The following HDAC9 variants were observed in gnomAD, a reference collection of about 807,000 sequenced individuals.
HDAC9 encodes the protein histone deacetylase 9.
Under a neutral mutation model 139.4 loss-of-function variants are expected in HDAC9, and 41 were observed. That is an observed-to-expected ratio of 0.29 (90% confidence interval 0.23 to 0.38). HDAC9 has a LOEUF of 0.38. Among genes scored for constraint, HDAC9 ranks in the 10% least tolerant of loss-of-function variants. The pLI is 1.00. For missense variants in HDAC9, 1,147 were observed against 1,297.0 expected (o/e 0.88, Z 1.78); for synonymous variants, 517 against 476.2 (o/e 1.09, Z -1.12).
chr7:18,235,741 G>C (rs1793770454), intron 2 of HDAC9, among the ~76,000 whole-genome samples: 1 of 152,108 alleles, frequency 6.6e-6, no homozygotes, highest in African/African-American at 2.4e-5. Flanking sequence ...TTATTTTGTA[G>C]TCGAGAAAAT....
chr7:18,578,566 G>A (rs1583609714), intron 2 of HDAC9, among the ~76,000 whole-genome samples: 1 of 152,162 alleles, frequency 6.6e-6, no homozygotes, highest in East Asian at 1.9e-4. Context: ...TCATCAGTGG[G>A]AAATACAAAC....
intron 11 of HDAC9, among the ~76,000 whole-genome samples, chr7:18,649,155 C>T (rs1215023263): frequency 2.6e-5 from 4 of 152,086 alleles, no homozygotes; most frequent in Admixed American, 6.6e-5. Flanking sequence ...TTCCAATAAG[C>T]GTTTGGAGTA....
At chr7:18,142,743 T>C (rs1040857657) in intron 1 of HDAC9, among the ~76,000 whole-genome samples, 5 of 152,188 alleles carry the variant, frequency 3.3e-5, no homozygotes, top group African/African-American at 9.6e-5. Context: ...TGCAGACTTT[T>C]ACTTCCCTTG....
rs543419416 is a variant in HDAC9 at position 18,627,107 on chromosome 7, C to G, written c.665-2243C>G. Among the ~76,000 whole-genome samples, 19 of 152,302 alleles carry G rather than the reference C, an allele frequency of 1.2e-4. No individual in the cohort carries two copies. In the South Asian group the frequency reaches 2.9e-3, roughly 23 times the overall value. ...ATTGGAAAGGCTTTAAGCTATGTTTCACAAATGAAGAATCAGGCTTAGAAA... is the reference window on the plus strand; with the variant it reads ...ATTGGAAAGGCTTTAAGCTATGTTTGACAAATGAAGAATCAGGCTTAGAAA... On this transcript the variant is annotated intron_variant, in intron 6 of 25. Transcript: ENST00000686413.
intron 17 of HDAC9, among the ~76,000 whole-genome samples, chr7:18,797,925 A>G (rs548183224): frequency 1.4e-4 from 22 of 152,204 alleles, no homozygotes; most frequent in African/African-American, 5.1e-4. Context: ...CTTCTTCAGC[A>G]TATTTCCCCT....
intron 24 of HDAC9, 24 bp downstream of exon 24, chr7:18,954,254 A>C (rs772680999): frequency 2.3e-5 from 30 of 1,327,022 alleles, no homozygotes; most frequent in Non-Finnish European, 3.0e-5. Flanking sequence ...GTTCTCTTAA[A>C]AATTCTAAGC....
At chr7:18,234,512 G>T in intron 2 of HDAC9, among the ~76,000 whole-genome samples, 1 of 152,024 alleles carries the variant, frequency 6.6e-6, no homozygotes, top group South Asian at 2.1e-4. Context: ...CCTTTATTTA[G>T]CTGCTCAGGC....
intron 1 of HDAC9, among the ~76,000 whole-genome samples, chr7:18,482,202 A>C (rs1795607562): frequency 1.3e-5 from 2 of 151,704 alleles, no homozygotes; most frequent in Non-Finnish European, 2.9e-5. Flanking sequence ...TGAACTGAAA[A>C]CAGGGGCACA....
At chr7:18,309,603 T>A (rs1214737212) in intron 1 of HDAC9, among the ~76,000 whole-genome samples, 1 of 152,196 alleles carries the variant, frequency 6.6e-6, no homozygotes, top group Non-Finnish European at 1.5e-5. Flanking sequence ...TCACACAGTT[T>A]AAACAAGAGG....
At chr7:18,229,236 C>G (rs1793281393) in intron 2 of HDAC9, among the ~76,000 whole-genome samples, 2 of 152,084 alleles carry the variant, frequency 1.3e-5, no homozygotes, top group Non-Finnish European at 2.9e-5. Context: ...GGAAACCTTC[C>G]CTGATTGCTT....
intron 17 of HDAC9, among the ~76,000 whole-genome samples, chr7:18,810,403 TCTGCTTACCACAACCAG>T: frequency 6.6e-6 from 1 of 152,022 alleles, no homozygotes; most frequent in Non-Finnish European, 1.5e-5. Flanking sequence ...GGGGAAATAT[TCTGCTTACCACAACCAG>T]TTTCCCAAGA....
At chr7:18,337,113 C>T (rs1174257676) in intron 1 of HDAC9, among the ~76,000 whole-genome samples, 1 of 151,556 alleles carries the variant, frequency 6.6e-6, no homozygotes, top group Non-Finnish European at 1.5e-5. Flanking sequence ...TGGAGAAATT[C>T]ATGAACAACT....
At chr7:18,527,988 C>A (rs1271591814) in intron 2 of HDAC9, among the ~76,000 whole-genome samples, 2 of 151,764 alleles carry the variant, frequency 1.3e-5, no homozygotes, top group African/African-American at 2.4e-5. Context: ...CATTTGGTAC[C>A]TTAAGAATGA....
At chr7:18,968,724 C>T (rs1784047284) in intron 24 of HDAC9, among the ~76,000 whole-genome samples, 1 of 152,056 alleles carries the variant, frequency 6.6e-6, no homozygotes, top group African/African-American at 2.4e-5. Context: ...CTTTGGGAGG[C>T]CGAGGCGGGC....
At chr7:18,718,534 G>T (rs996179620) in intron 12 of HDAC9, among the ~76,000 whole-genome samples, 2 of 152,106 alleles carry the variant, frequency 1.3e-5, no homozygotes, top group East Asian at 3.9e-4. Context: ...TGCCTGGCAG[G>T]TGTGTGGTCT....
intron 2 of HDAC9, among the ~76,000 whole-genome samples, chr7:18,165,886 C>T (rs887241877): frequency 6.6e-6 from 1 of 151,570 alleles, no homozygotes; most frequent in African/African-American, 2.4e-5. Context: ...AGTGGCTTTG[C>T]GTCTATCTAG....
At chr7:18,241,022 T>A (rs1224459407) in intron 2 of HDAC9, among the ~76,000 whole-genome samples, 1 of 152,176 alleles carries the variant, frequency 6.6e-6, no homozygotes, top group East Asian at 1.9e-4. Context: ...CGTGAGATCT[T>A]TGATCTCAGA....
At chr7:18,855,568 C>G (rs75821552) in intron 21 of HDAC9, among the ~76,000 whole-genome samples, 13 of 151,862 alleles carry the variant, frequency 8.6e-5, no homozygotes, top group South Asian at 4.2e-4. Flanking sequence ...GCATGGTGGC[C>G]GTGCTGAACT....
chr7:18,604,829 C>T (rs545861805), intron 6 of HDAC9, among the ~76,000 whole-genome samples: 1 of 152,114 alleles, frequency 6.6e-6, no homozygotes, highest in South Asian at 2.1e-4. Context: ...CCCATTAGAA[C>T]CCTTAACATA....
Sources: allele counts gnomAD v4.1 joint callset (sites outside exome capture counted in the v4.1 genomes callset), GRCh38; gene constraint gnomAD v4.1.1; transcripts MANE v1.5; gene names NCBI Gene and HGNC (gene_info 2026-07-23, HGNC 2026-07-21).